The following FRK variants were observed in gnomAD, a reference collection of about 807,000 sequenced individuals.
FRK encodes the protein fyn related Src family tyrosine kinase.
In FRK, 51 loss-of-function variants were observed where a neutral mutation model predicts 56.4. The ratio of observed to expected loss-of-function variants is 0.90; its 90% confidence interval spans 0.72 to 1.14. The LOEUF (loss-of-function observed/expected upper bound fraction) is 1.14. Among genes scored for constraint, FRK ranks in the 50% most tolerant of loss-of-function variants. The pLI is 0.00. For synonymous variants in FRK, 245 were observed against 217.9 expected (o/e 1.12, Z -1.10); for missense variants, 570 against 601.4 (o/e 0.95, Z 0.55).
chr6:116,013,033 A>G (rs541759611), intron 1 of FRK, among the ~76,000 whole-genome samples: 1 of 152,340 alleles, frequency 6.6e-6, no homozygotes, highest in African/African-American at 2.4e-5. Context: ...TTGCAGTCAC[A>G]TAGAAATCCT....
At position 115,967,530 on chromosome 6, in the gene FRK, T is replaced by C. The variant is rs200044055; in HGVS notation, c.799+21A>G. On this transcript the variant is annotated intron_variant, in intron 4 of 7. Transcript: ENST00000606080. ...CTCATAAAAATCAACATATGCCATT[T>C]AACCTTTATTGTTCTCGCACCTGGT... 33 of 1,610,376 alleles carry C rather than the reference T, an allele frequency of 2.0e-5. No homozygotes were observed. In the Admixed American group the frequency reaches 5.3e-4, roughly 26 times the overall value.
chr6:116,024,343 A>C (rs1006439348), intron 1 of FRK, among the ~76,000 whole-genome samples: 3 of 151,472 alleles, frequency 2.0e-5, no homozygotes, highest in Admixed American at 6.6e-5. Flanking sequence ...TATACATGTG[A>C]CATGCTGGTG....
intron 5 of FRK, among the ~76,000 whole-genome samples, chr6:115,948,629 A>G (rs971187577): frequency 6.6e-6 from 1 of 152,074 alleles, no homozygotes; most frequent in Admixed American, 6.5e-5. Flanking sequence ...ACTCCCACTT[A>G]TAACTTATGA....
intron 1 of FRK, among the ~76,000 whole-genome samples, chr6:116,022,077 C>A (rs751258401): frequency 6.6e-6 from 1 of 151,774 alleles, no homozygotes; most frequent in African/African-American, 2.4e-5. Context: ...AAGATGAAAT[C>A]GACAGGTTCC....
chr6:116,030,959 A>G (rs916075001), intron 1 of FRK, among the ~76,000 whole-genome samples: 6 of 152,134 alleles, frequency 3.9e-5, no homozygotes, highest in African/African-American at 9.7e-5. Flanking sequence ...CTTTACAAAC[A>G]TATTTGGCAA....
intron 2 of FRK, among the ~76,000 whole-genome samples, chr6:115,996,677 A>G (rs1774853137): frequency 6.6e-6 from 1 of 152,170 alleles, no homozygotes; most frequent in Non-Finnish European, 1.5e-5. Context: ...CAATGTAAAG[A>G]GGTGTTTGTG....
At chr6:116,037,727 T>A (rs888678929) in intron 1 of FRK, among the ~76,000 whole-genome samples, 5 of 152,232 alleles carry the variant, frequency 3.3e-5, no homozygotes, top group African/African-American at 1.2e-4. Flanking sequence ...TTTGGGATCA[T>A]TTGTTTAATA....
In FRK at chr6:116,025,307, T is replaced by C. The variant is rs1032121853; in HGVS notation, c.345-21309A>G. On this transcript the variant is annotated intron_variant, in intron 1 of 7. Transcript: ENST00000606080. ...AAGTAAATATCTAATTGGCAATATT[T>C]GTTATGAAAAGTTATGCTCCCAATT... is the stretch of plus-strand genomic sequence containing the variant. Among the ~76,000 whole-genome samples, 129 of 152,302 alleles carry C rather than the reference T, an allele frequency of 8.5e-4. 2 individuals carry two copies. The highest frequency in any genetic ancestry group is 3.4e-3 in the Middle Eastern group (1 of 294).
In FRK at chr6:115,935,990, G is replaced by A. The variant is rs1772038120; in HGVS notation, c.*6424C>T. 6.6e-6 allele frequency: 1 copy of A among 152,632 alleles called. No homozygotes were observed. Among genetic ancestry groups the A allele is most frequent in the South Asian group, 2.1e-4 (1 of 4,836 alleles). The allele number at this position is 152,632 out of a possible 1,614,324, so 9.5% of individuals were successfully genotyped here. A position where few individuals can be genotyped will look rare whatever the true frequency, so the allele number is the denominator to read the frequency against. On this transcript the variant is annotated 3_prime_UTR_variant, in exon 8 of 8. Coordinates refer to ENST00000606080, the MANE Select transcript of FRK (RefSeq NM_002031.3). Reference sequence around the variant, plus strand: ...TTTCCCAGCACAGTGCTCGAGCTCTGGTAAGAGTCAGACTGCCTCCTCAAG... The same window carrying A: ...TTTCCCAGCACAGTGCTCGAGCTCTAGTAAGAGTCAGACTGCCTCCTCAAG...
intron 4 of FRK, among the ~76,000 whole-genome samples, chr6:115,966,518 C>G (rs1773584201): frequency 1.3e-5 from 2 of 152,156 alleles, no homozygotes; most frequent in Admixed American, 1.3e-4. Flanking sequence ...GTTTGGGAAC[C>G]ATGGTGTTAC....
intron 2 of FRK, among the ~76,000 whole-genome samples, chr6:116,001,237 GA>G (rs748722492): frequency 8.5e-4 from 109 of 128,414 alleles, no homozygotes; most frequent in Admixed American, 1.0e-3. Context: ...GACTCTGTCT[GA>G]AAAAAAAAAA....
intron 1 of FRK, among the ~76,000 whole-genome samples, chr6:116,016,287 C>T (rs970741210): frequency 7.9e-5 from 12 of 152,126 alleles, no homozygotes; most frequent in African/African-American, 2.9e-4. Context: ...AGAGCACAAT[C>T]TCTATAGTAG....
intron 5 of FRK, among the ~76,000 whole-genome samples, chr6:115,952,561 C>T (rs1772807547): frequency 6.6e-6 from 1 of 151,736 alleles, no homozygotes; most frequent in African/African-American, 2.4e-5. Flanking sequence ...ACCCAGCCAT[C>T]CCATTACTGG....
rs1330564131 is a variant in FRK, at chr6:115,937,791, T to C, written c.*4623A>G. The C allele has an allele frequency of 2.0e-5, 3 of 152,152 alleles. No individual in the cohort carries two copies. Among genetic ancestry groups the C allele is most frequent in the Admixed American group, 6.5e-5 (1 of 15,268 alleles). 9.4% of individuals were successfully genotyped at this position (152,152 alleles called of 1,614,324 possible). ...AGAATAGCTAACTATCCTAAATATA[T>C]ATACACCCAATACAGAAGCACCCAG... On this transcript the variant is annotated 3_prime_UTR_variant, in exon 8 of 8. Coordinates refer to ENST00000606080, the MANE Select transcript of FRK (RefSeq NM_002031.3).
chr6:116,060,463 G>C lies in FRK; in HGVS notation c.-152C>G, dbSNP rs1582772412. The C allele has an allele frequency of 1.9e-5, 12 of 634,168 alleles. No homozygotes were observed. In the East Asian group the frequency reaches 3.3e-4, roughly 17 times the overall value. The allele number at this position is 634,168 out of a possible 1,614,324, so 39.3% of individuals were successfully genotyped here. On this transcript the variant is annotated 5_prime_UTR_variant, in exon 1 of 8. Coordinates refer to ENST00000606080, the MANE Select transcript of FRK (RefSeq NM_002031.3). ...CAAAGTCCCGTTTCAGATCAGTCCA[G>C]CAGCTGGGTTGCAGCAAGTCCTACC...
At position 115,939,447 on chromosome 6, in the gene FRK, C is replaced by T. The variant is rs1376188978; in HGVS notation, c.*2967G>A. 2 of 152,182 alleles carry T rather than the reference C, an allele frequency of 1.3e-5. No homozygotes were observed. The highest frequency in any genetic ancestry group is 2.9e-5 in the Non-Finnish European group (2 of 68,044). The allele number at this position is 152,182 out of a possible 1,614,324, so 9.4% of individuals were successfully genotyped here. On this transcript the variant is annotated 3_prime_UTR_variant, in exon 8 of 8. Coordinates refer to ENST00000606080, the MANE Select transcript of FRK (RefSeq NM_002031.3). ...AAGACAAGGATGCCCCCTCTCACCA[C>T]TCCTGTTCAAAATAGTATTGAAAGT... is the stretch of plus-strand genomic sequence containing the variant.
At chr6:116,039,791 G>A (rs1776641432) in intron 1 of FRK, among the ~76,000 whole-genome samples, 1 of 151,908 alleles carries the variant, frequency 6.6e-6, no homozygotes, top group Non-Finnish European at 1.5e-5. Flanking sequence ...GCCCTAATGA[G>A]GGAAGGAGAG....
At chr6:116,072,643 G>A in the FRK span, among the ~76,000 whole-genome samples, 2 of 152,032 alleles carry the variant, frequency 1.3e-5, no homozygotes, top group Admixed American at 1.3e-4. Context: ...GATGAGGGGT[G>A]ATCTATTAGC....
At chr6:116,057,499 G>C (rs560254969) in intron 1 of FRK, among the ~76,000 whole-genome samples, 1 of 152,096 alleles carries the variant, frequency 6.6e-6, no homozygotes, top group Non-Finnish European at 1.5e-5. Context: ...TTTGCCTTAC[G>C]GTGACAAGAA....
Sources: allele counts gnomAD v4.1 joint callset (sites outside exome capture counted in the v4.1 genomes callset), GRCh38; gene constraint gnomAD v4.1.1; transcripts MANE v1.5; gene names NCBI Gene and HGNC (gene_info 2026-07-23, HGNC 2026-07-21).